SVEP1: variants seen among roughly 807,000 people sequenced by gnomAD.
The protein encoded by SVEP1 is sushi, von Willebrand factor type A, EGF and pentraxin domain-containing protein 1.
SVEP1 carries 164 observed loss-of-function variants against 367.3 expected under a neutral mutation model. That is an observed-to-expected ratio of 0.45 (90% CI 0.39 to 0.51). SVEP1 has a LOEUF of 0.51. SVEP1 is among the 20% of genes least tolerant of loss of function. The pLI is 0.00. For synonymous variants in SVEP1, 1,666 were observed against 1,611.6 expected (o/e 1.03, Z -0.81); for missense variants, 4,117 against 4,425.3 (o/e 0.93, Z 1.98).
chr9:110,447,618 T>C (rs764176173), intron 24 of SVEP1, among the ~76,000 whole-genome samples: 2 of 152,242 alleles, frequency 1.3e-5, no homozygotes, highest in Non-Finnish European at 2.9e-5. Context: ...TATCTGGTAA[T>C]GTCAAATGTT....
chr9:110,392,151 A>ATATATATATATATATATCTATC (rs1308038317), intron 40 of SVEP1, among the ~76,000 whole-genome samples: 1 of 146,024 alleles, frequency 6.8e-6, no homozygotes, highest in African/African-American at 2.7e-5. Context: ...ATATATATAT[A>ATATATATATATATATATCTATC]TATCTCTTCT....
intron 8 of SVEP1, among the ~76,000 whole-genome samples, chr9:110,493,915 G>A (rs149462489): frequency 1.8e-3 from 274 of 152,272 alleles, no homozygotes; most frequent in Middle Eastern, 0.014. Flanking sequence ...AGCTTTTAGA[G>A]GCTGCCTGCA....
At chr9:110,418,768 T>C (rs1053768250) in intron 36 of SVEP1, among the ~76,000 whole-genome samples, 2 of 90,644 alleles carry the variant, frequency 2.2e-5, no homozygotes, top group Non-Finnish European at 4.9e-5. Context: ...AGCGGATCTC[T>C]CGGCAGAAAC....
intron 17 of SVEP1, among the ~76,000 whole-genome samples, chr9:110,466,445 C>T (rs1049293724): frequency 6.6e-6 from 1 of 152,122 alleles, no homozygotes; most frequent in South Asian, 2.1e-4. Context: ...TTATAAACTA[C>T]TCTGAAATCT....
At chr9:110,569,251 G>C (rs1332038725) in intron 1 of SVEP1, among the ~76,000 whole-genome samples, 12 of 152,112 alleles carry the variant, frequency 7.9e-5, no homozygotes, top group African/African-American at 2.9e-4. Context: ...GAGGTCGGGA[G>C]TTTGAGACCA....
intron 38 of SVEP1, among the ~76,000 whole-genome samples, chr9:110,405,285 C>T (rs987903886): frequency 1.3e-5 from 2 of 151,740 alleles, no homozygotes; most frequent in Admixed American, 1.3e-4. Flanking sequence ...GACTCAGATA[C>T]TAGTAGGAAT....
At chr9:110,577,573 G>T (rs1256154382) in intron 1 of SVEP1, among the ~76,000 whole-genome samples, 1 of 151,964 alleles carries the variant, frequency 6.6e-6, no homozygotes, top group Non-Finnish European at 1.5e-5. Flanking sequence ...AACAAATATA[G>T]GATCTTAAGG....
rs759852303 is a variant in SVEP1, at chr9:110,435,166, G to C, written c.4888+75C>G. 5.2e-4 allele frequency: 795 copies of C among 1,542,106 alleles called. 1 individual carries two copies. The highest frequency in any genetic ancestry group is 6.8e-4 in the Non-Finnish European group (774 of 1,143,974). ...TACGATTGGACCGATAGAGAATTCT[G>C]AACTGTCTTCTTTTGCTAGACAGTC... On this transcript the variant is annotated intron_variant, in intron 29 of 47. Coordinates refer to ENST00000374469, the MANE Select transcript of SVEP1 (RefSeq NM_153366.4).
intron 18 of SVEP1, among the ~76,000 whole-genome samples, chr9:110,462,197 T>C (rs1290101024): frequency 6.6e-6 from 1 of 152,078 alleles, no homozygotes; most frequent in Non-Finnish European, 1.5e-5. Flanking sequence ...AAAAGATGTT[T>C]TTGCCCCTAG....
chr9:110,483,707 A>T lies in SVEP1; in HGVS notation c.1931-14T>A. The T allele has an allele frequency of 6.4e-7, 1 of 1,561,724 alleles. No individual in the cohort carries two copies. Among genetic ancestry groups the T allele is most frequent in the Non-Finnish European group, 8.7e-7 (1 of 1,153,710 alleles). ...GTGGTTCTGCATCTGAAGAACATGA[A>T]ATCAGACAAAGAAGTCACAGCTGAT... On this transcript the variant is annotated splice_polypyrimidine_tract_variant and intron_variant, in intron 9 of 47. Transcript: ENST00000374469.
Position 110,468,987 on chromosome 9 carries a change from C to T in SVEP1, c.3113G>A (p.Gly1038Glu). ...TGAATGGATATATTCCGTGTACATCCCAGAGGGGCAAAGCTTGCACTCAAG... is the reference window on the plus strand; with the variant it reads ...TGAATGGATATATTCCGTGTACATCTCAGAGGGGCAAAGCTTGCACTCAAG... ...GQLECKLCPS[G>E]MYTEYIHSRN... The change falls in exon 17 of 48, where the codon GGG becomes GAG. Residue 1038 changes from glycine (G) to glutamate (E), a missense_variant. Transcript: ENST00000374469. The T allele has an allele frequency of 6.2e-7, 1 of 1,613,702 alleles. No individual in the cohort carries two copies. Among genetic ancestry groups the T allele is most frequent in the Non-Finnish European group, 8.5e-7 (1 of 1,179,752 alleles).
At chr9:110,506,895 A>G (rs1200818743) in intron 5 of SVEP1, among the ~76,000 whole-genome samples, 1 of 152,082 alleles carries the variant, frequency 6.6e-6, no homozygotes, top group African/African-American at 2.4e-5. Context: ...GGGAAGGGGA[A>G]GTCAGAGCAG....
chr9:110,445,231 C>G (rs781344266), intron 26 of SVEP1, among the ~76,000 whole-genome samples: 3 of 152,216 alleles, frequency 2.0e-5, no homozygotes, highest in Non-Finnish European at 2.9e-5. Context: ...GATGGAAGTC[C>G]TGCTCAAGTC....
intron 33 of SVEP1, 31 bp from the exon 34 acceptor site, chr9:110,430,035 T>C: frequency 1.2e-6 from 2 of 1,601,622 alleles, no homozygotes; most frequent in Non-Finnish European, 1.7e-6. Flanking sequence ...CACGTGACTT[T>C]TTTGAGACTG....
chr9:110,571,369 G>T (rs1229622193), intron 1 of SVEP1, among the ~76,000 whole-genome samples: 1 of 152,202 alleles, frequency 6.6e-6, no homozygotes, highest in Non-Finnish European at 1.5e-5. Context: ...CTATGTGGAA[G>T]TACTGTGTGG....
intron 13 of SVEP1, among the ~76,000 whole-genome samples, chr9:110,477,892 C>T (rs9695122): frequency 0.051 from 7,811 of 152,228 alleles, 267 homozygotes; most frequent in African/African-American, 0.1. Flanking sequence ...CCAAAGTCAT[C>T]AGTAAGTTGT....
chr9:110,407,047 G>A lies in SVEP1; in HGVS notation c.8553C>T (p.Phe2851=). ...TGCAAGTGTATTCAATCTCTTTTTG[G>A]AATGTGTACTCGTCTCCTCTCACCT... is the stretch of plus-strand genomic sequence containing the variant. ...NGQVRGDEYT[F]QKEIEYTCNE... The change falls in exon 38 of 48, where the codon TTC becomes TTT. Residue 2851 remains phenylalanine (F), a synonymous_variant. Coordinates refer to ENST00000374469, the MANE Select transcript of SVEP1 (RefSeq NM_153366.4). 6.2e-7 allele frequency: 1 copy of A among 1,613,914 alleles called. No homozygotes were observed. Among genetic ancestry groups the A allele is most frequent in the Non-Finnish European group, 8.5e-7 (1 of 1,179,858 alleles).
At chr9:110,491,300 C>A (rs892740266) in intron 8 of SVEP1, among the ~76,000 whole-genome samples, 2 of 151,738 alleles carry the variant, frequency 1.3e-5, no homozygotes, top group Non-Finnish European at 2.9e-5. Context: ...ATTAACAGTA[C>A]TTTTGAAATA....
intron 38 of SVEP1, among the ~76,000 whole-genome samples, chr9:110,405,944 TTA>T (rs1564132882): frequency 1.3e-5 from 2 of 152,216 alleles, no homozygotes; most frequent in Non-Finnish European, 2.9e-5. Flanking sequence ...GATAATTATA[TTA>T]GAAACATGTC....
Sources: gnomAD v4.1 joint callset for allele counts (sites outside exome capture counted in the v4.1 genomes callset) on GRCh38, gnomAD v4.1.1 for gene constraint, MANE v1.5 for transcripts, NCBI Gene and HGNC (gene_info 2026-07-23, HGNC 2026-07-21) for gene names.